Variants in FARS2 observed in about 807,000 individuals in gnomAD.
The protein encoded by FARS2 is phenylalanine--tRNA ligase, mitochondrial.
In FARS2, 40 loss-of-function variants were observed where a neutral mutation model predicts 46.4. The ratio of observed to expected loss-of-function variants is 0.86; its 90% confidence interval spans 0.67 to 1.12. FARS2 has a LOEUF of 1.12. FARS2 is among the 50% of genes most tolerant of loss of function. FARS2 has a pLI of 0.00. For missense variants in FARS2, 513 were observed against 567.9 expected, an observed-to-expected ratio of 0.90 and a Z score of 0.98; for synonymous variants, 234 against 214.9, an observed-to-expected ratio of 1.09 and a Z score of -0.78.
chr6:5,496,399 A>G (rs1165668252), intron 4 of FARS2, among the ~76,000 whole-genome samples: 1 of 152,228 alleles, frequency 6.6e-6, no homozygotes, highest in Non-Finnish European at 1.5e-5. Context: ...AAATTAGTGA[A>G]TTTGCTCTAC....
chr6:5,465,185 AAG>A (rs1432139995), intron 4 of FARS2, among the ~76,000 whole-genome samples: 1 of 152,202 alleles, frequency 6.6e-6, no homozygotes, highest in Non-Finnish European at 1.5e-5. Flanking sequence ...TAAAAGCAAA[AAG>A]AGGAGAAAAA....
intron 6 of FARS2, among the ~76,000 whole-genome samples, chr6:5,667,501 C>T (rs1561787479): frequency 6.8e-6 from 1 of 147,382 alleles, no homozygotes; most frequent in African/African-American, 2.5e-5. Flanking sequence ...CTGGGCAACA[C>T]AGCAAGACAC....
At chr6:5,742,742 A>G (rs1047484926) in intron 6 of FARS2, among the ~76,000 whole-genome samples, 4 of 152,156 alleles carry the variant, frequency 2.6e-5, no homozygotes, top group African/African-American at 9.7e-5. Flanking sequence ...AAACAAGGAA[A>G]AATCATCAGG....
chr6:5,296,314 T>C (rs900320455), intron 1 of FARS2, among the ~76,000 whole-genome samples: 1 of 151,864 alleles, frequency 6.6e-6, no homozygotes, highest in Non-Finnish European at 1.5e-5. Flanking sequence ...GCTAATTTTT[T>C]GTATTTTTAG....
intron 5 of FARS2, among the ~76,000 whole-genome samples, chr6:5,591,757 C>T (rs1215804112): frequency 2.0e-5 from 3 of 152,236 alleles, no homozygotes; most frequent in Admixed American, 6.5e-5. Flanking sequence ...ATCCTCCCAA[C>T]AGATCATGAT....
At position 5,613,550 on chromosome 6, in the gene FARS2, CAG is replaced by C. The variant is rs1775304235; in HGVS notation, c.1217+232_1217+233del. Among the ~76,000 whole-genome samples the C allele has an allele frequency of 1.3e-5, 2 of 152,160 alleles. 1 individual carries two copies. The highest frequency in any genetic ancestry group is 4.1e-4 in the South Asian group (2 of 4,822). ...GCCTTAGTAAAGAAAATATATGAAACAGAATCTTTTAAAAGTCCTGCAGCTTT... is the reference window on the plus strand; with the variant it reads ...GCCTTAGTAAAGAAAATATATGAAACAATCTTTTAAAAGTCCTGCAGCTTT... On this transcript the variant is annotated intron_variant, in intron 6 of 6. Coordinates refer to ENST00000274680, the MANE Select transcript of FARS2 (RefSeq NM_006567.5).
At chr6:5,300,576 G>T (rs925367709) in intron 1 of FARS2, among the ~76,000 whole-genome samples, 1 of 152,326 alleles carries the variant, frequency 6.6e-6, no homozygotes, top group Admixed American at 6.5e-5. Flanking sequence ...AGGTGTCTGT[G>T]TGGAGATGGT....
intron 6 of FARS2, among the ~76,000 whole-genome samples, chr6:5,733,379 T>C (rs1446129361): frequency 1.3e-5 from 2 of 152,196 alleles, no homozygotes; most frequent in African/African-American, 2.4e-5. Context: ...TCCTGAATCA[T>C]TTCAAATTAC....
At chr6:5,770,293 G>A (rs1762967939) in intron 6 of FARS2, among the ~76,000 whole-genome samples, 1 of 152,194 alleles carries the variant, frequency 6.6e-6, no homozygotes, top group Non-Finnish European at 1.5e-5. Context: ...CCCTGGCTAG[G>A]CTAAGGGCTG....
intron 6 of FARS2, among the ~76,000 whole-genome samples, chr6:5,670,743 T>A (rs572113961): frequency 3.9e-5 from 6 of 152,268 alleles, no homozygotes; most frequent in Non-Finnish European, 5.9e-5. Flanking sequence ...ATTTTTTTTT[T>A]AAATAAGCAC....
chr6:5,418,689 C>T (rs1762378557), intron 3 of FARS2, among the ~76,000 whole-genome samples: 1 of 152,092 alleles, frequency 6.6e-6, no homozygotes, highest in Admixed American at 6.6e-5. Flanking sequence ...TCTCTTCTCT[C>T]CTTTACTCTG....
At chr6:5,658,803 A>G (rs765472445) in intron 6 of FARS2, among the ~76,000 whole-genome samples, 2 of 152,234 alleles carry the variant, frequency 1.3e-5, no homozygotes, top group African/African-American at 2.4e-5. Context: ...AAGTTATTGG[A>G]TAATTTTAAA....
At chr6:5,571,086 T>TC (rs1253856256) in intron 5 of FARS2, among the ~76,000 whole-genome samples, 8 of 152,204 alleles carry the variant, frequency 5.3e-5, no homozygotes. Flanking sequence ...TATACTTACT[T>TC]CCACATCGTG....
intron 1 of FARS2, among the ~76,000 whole-genome samples, chr6:5,284,457 G>T (rs959882064): frequency 6.6e-6 from 1 of 152,088 alleles, no homozygotes; most frequent in Non-Finnish European, 1.5e-5. Context: ...TTGAATTATG[G>T]GGTGTGTGCC....
At chr6:5,402,598 G>A (rs1761325254) in intron 2 of FARS2, among the ~76,000 whole-genome samples, 2 of 152,106 alleles carry the variant, frequency 1.3e-5, no homozygotes, top group Admixed American at 1.3e-4. Context: ...TATTTTTGGT[G>A]TGGGTTAGAG....
chr6:5,425,084 A>G (rs559405543), intron 3 of FARS2, among the ~76,000 whole-genome samples: 3 of 152,308 alleles, frequency 2.0e-5, no homozygotes, highest in African/African-American at 4.8e-5. Flanking sequence ...TTAGACCACT[A>G]TATTCTACTA....
At chr6:5,352,902 T>C (rs1389078519) in intron 1 of FARS2, among the ~76,000 whole-genome samples, 1 of 152,198 alleles carries the variant, frequency 6.6e-6, no homozygotes, top group Non-Finnish European at 1.5e-5. Flanking sequence ...ACACATTCAT[T>C]TGTTCTTTGT....
chr6:5,746,939 G>A (rs143577993), intron 6 of FARS2, among the ~76,000 whole-genome samples: 27 of 152,312 alleles, frequency 1.8e-4, no homozygotes, highest in Middle Eastern at 6.8e-3. Flanking sequence ...ATGGGAGAGC[G>A]TGTGCAGTTT....
intron 3 of FARS2, among the ~76,000 whole-genome samples, chr6:5,415,565 C>G (rs1306120955): frequency 6.6e-6 from 1 of 152,056 alleles, no homozygotes; most frequent in African/African-American, 2.4e-5. Flanking sequence ...GATTCACCCA[C>G]CTCGGCCTCC....
Sources: gnomAD v4.1 joint callset for allele counts (sites outside exome capture counted in the v4.1 genomes callset) on GRCh38, gnomAD v4.1.1 for gene constraint, MANE v1.5 for transcripts, NCBI Gene and HGNC (gene_info 2026-07-23, HGNC 2026-07-21) for gene names.